The following EXOSC7 variants were observed in gnomAD, a reference collection of about 807,000 sequenced individuals.
EXOSC7 encodes the protein exosome component 7, also known as exosome complex component RRP42.
A neutral mutation model predicts 34.3 loss-of-function variants in EXOSC7; 25 were observed. The observed-to-expected ratio is 0.73, with a 90% CI of 0.53 to 1.02. EXOSC7 has a LOEUF of 1.02. EXOSC7 is among the 50% of genes least tolerant of loss of function. The pLI, the probability that EXOSC7 is intolerant of heterozygous loss-of-function variation, is 0.00. For missense variants in EXOSC7, 370 were observed against 368.5 expected, an observed-to-expected ratio of 1.00 and a Z score of -0.03; for synonymous variants, 130 against 143.0, an observed-to-expected ratio of 0.91 and a Z score of 0.65.
chr3:45,011,922 C>A (rs1052026495), downstream of EXOSC7, among the ~76,000 whole-genome samples: 3 of 152,200 alleles, frequency 2.0e-5, no homozygotes, highest in Non-Finnish European at 4.4e-5. Context: ...GCCATCCTTT[C>A]TTATCACTCT....
intron 1 of EXOSC7, among the ~76,000 whole-genome samples, chr3:44,980,515 G>T (rs1706244762): frequency 6.6e-6 from 1 of 151,116 alleles, no homozygotes; most frequent in Non-Finnish European, 1.5e-5. Flanking sequence ...TTGAGTGGTG[G>T]CACTGGGATT....
At chr3:44,994,468 C>T (rs1706661947) in intron 3 of EXOSC7, among the ~76,000 whole-genome samples, 1 of 151,764 alleles carries the variant, frequency 6.6e-6, no homozygotes, top group East Asian at 1.9e-4. Context: ...TGTTCAGATA[C>T]ATGTAGTAAC....
At chr3:44,992,808 C>T (rs917741910) in intron 3 of EXOSC7, among the ~76,000 whole-genome samples, 1 of 152,154 alleles carries the variant, frequency 6.6e-6, no homozygotes, top group African/African-American at 2.4e-5. Flanking sequence ...AGTTCTCCGA[C>T]CATTGTGTTG....
intron 7 of EXOSC7, among the ~76,000 whole-genome samples, chr3:45,009,078 A>T (rs1376113589): frequency 1.3e-5 from 2 of 152,106 alleles, no homozygotes. Context: ...TTAAGCCAAG[A>T]CTGTGTGCGT....
intron 7 of EXOSC7, among the ~76,000 whole-genome samples, chr3:45,008,859 A>AC (rs1290035077): frequency 1.3e-5 from 2 of 152,362 alleles, no homozygotes; most frequent in African/African-American, 4.8e-5. Flanking sequence ...AGCAACAACA[A>AC]GCACAGTAAA....
intron 5 of EXOSC7, chr3:45,002,381 A>G (rs1334895834): frequency 6.6e-6 from 1 of 152,150 alleles, no homozygotes. Flanking sequence ...ATGAGCAAAG[A>G]TGTTTATTCT....
rs117019182 is a variant in EXOSC7, at chr3:45,007,879, C to G, written c.771+304C>G. On this transcript the variant is annotated intron_variant, in intron 7 of 7. Coordinates refer to ENST00000265564, the MANE Select transcript of EXOSC7 (RefSeq NM_015004.4). ...TGGACTTTCATAATGTAAAGAGCCA[C>G]TCGTAACTCCAAAAGTGCAGGCCTT... Among the ~76,000 whole-genome samples, 79 of 152,320 alleles carry G rather than the reference C, an allele frequency of 5.2e-4. 5 individuals carry two copies. The East Asian group carries it at 0.014, about 28-fold the overall frequency.
intron 1 of EXOSC7, among the ~76,000 whole-genome samples, chr3:44,985,619 C>T (rs149586625): frequency 0.022 from 3,402 of 152,074 alleles, 79 homozygotes; most frequent in Middle Eastern, 0.075. Flanking sequence ...CAGACCTTCG[C>T]GGTGAGTGTT....
At chr3:44,989,512 A>G (rs770250451) in intron 2 of EXOSC7, 38 bp from the exon 3 acceptor site, 3 of 1,520,394 alleles carry the variant, frequency 2.0e-6, no homozygotes, top group Admixed American at 3.3e-5. Context: ...ACCTGGCTGC[A>G]TACTCTGAGT....
At chr3:45,000,951 G>A (rs561503899) in intron 4 of EXOSC7, among the ~76,000 whole-genome samples, 13 of 152,272 alleles carry the variant, frequency 8.5e-5, no homozygotes, top group African/African-American at 3.1e-4. Context: ...CCTGCCAACT[G>A]TGACCTTGTG....
intron 5 of EXOSC7, chr3:45,005,016 C>CGT (rs1025882461): frequency 1.6e-5 from 6 of 379,696 alleles, no homozygotes; most frequent in South Asian, 4.6e-5. Flanking sequence ...GGTATGGCTT[C>CGT]GTGTGTGTGG....
At position 45,006,068 on chromosome 3, in the gene EXOSC7, C is replaced by CTTT. The variant is rs34869939; in HGVS notation, c.615+681_615+683dup. Reference sequence around the variant, plus strand: ...AGGATGGCAGGATGTTGGGTCTTGGCTTTTTTTTTTTTTTTTTTTTTTTTT... The same window carrying CTTT: ...AGGATGGCAGGATGTTGGGTCTTGGCTTTTTTTTTTTTTTTTTTTTTTTTTTTT... On this transcript the variant is annotated intron_variant, in intron 6 of 7. Coordinates refer to ENST00000265564, the MANE Select transcript of EXOSC7 (RefSeq NM_015004.4). 2.5e-3 allele frequency among the ~76,000 whole-genome samples: 118 copies of CTTT among 47,300 alleles called. 31 individuals are homozygous for CTTT. The highest frequency in any genetic ancestry group is 8.5e-3 in the South Asian group (7 of 822). The allele number at this position is 47,300 out of a possible 152,430, so 31.0% of individuals were successfully genotyped here. A position where few individuals can be genotyped will look rare whatever the true frequency, so the allele number is the denominator to read the frequency against.
intron 3 of EXOSC7, among the ~76,000 whole-genome samples, chr3:44,992,050 G>A (rs1400846984): frequency 6.6e-6 from 1 of 152,158 alleles, no homozygotes; most frequent in Non-Finnish European, 1.5e-5. Context: ...TCTTCAAGGA[G>A]CATAATTATT....
chr3:44,989,447 T>C (rs1706510748), intron 2 of EXOSC7, 103 bp from the exon 3 acceptor site: 5 of 977,814 alleles, frequency 5.1e-6, no homozygotes, highest in Non-Finnish European at 8.0e-6. Flanking sequence ...TTAGCACTGC[T>C]CCTAAAAGAG....
chr3:45,003,687 T>A (rs1302334621), intron 5 of EXOSC7, among the ~76,000 whole-genome samples: 1 of 152,112 alleles, frequency 6.6e-6, no homozygotes, highest in Non-Finnish European at 1.5e-5. Context: ...TTAAATGTGT[T>A]TTTCAGTACC....
intron 1 of EXOSC7, among the ~76,000 whole-genome samples, chr3:44,984,228 T>C (rs2125962576): frequency 6.6e-6 from 1 of 152,294 alleles, no homozygotes; most frequent in East Asian, 1.9e-4. Context: ...CCCAGCACTT[T>C]GGGAGGCTAA....
At chr3:45,012,426 C>T (rs1283748158), downstream of EXOSC7, 7 of 152,224 alleles carry the variant, frequency 4.6e-5, no homozygotes, top group Admixed American at 4.6e-4. Context: ...GAAGCAGCTG[C>T]CTAGACTTGG....
intron 1 of EXOSC7, among the ~76,000 whole-genome samples, chr3:44,983,754 T>G (rs1380269061): frequency 2.7e-5 from 4 of 150,144 alleles, no homozygotes; most frequent in Non-Finnish European, 5.9e-5. Context: ...GATTAATTCC[T>G]TTGCTCGTGA....
intron 1 of EXOSC7, among the ~76,000 whole-genome samples, chr3:44,981,261 C>T (rs1161443377): frequency 5.3e-5 from 8 of 152,174 alleles, no homozygotes; most frequent in Non-Finnish European, 4.4e-5. Flanking sequence ...GGTTTCCTGC[C>T]TCTTTTTGAA....
Sources: allele counts gnomAD v4.1 joint callset (sites outside exome capture counted in the v4.1 genomes callset), GRCh38; gene constraint gnomAD v4.1.1; transcripts MANE v1.5; gene names NCBI Gene and HGNC (gene_info 2026-07-23, HGNC 2026-07-21).